KARS1: variants seen among roughly 807,000 people sequenced by gnomAD.
KARS1 encodes lysyl-tRNA synthetase 1, also known as lysine--tRNA ligase.
In KARS1, 50 loss-of-function variants were observed where a neutral mutation model predicts 63.9. The observed-to-expected ratio is 0.78, with a 90% CI of 0.62 to 0.99. The LOEUF is 0.99. KARS1 is among the 50% of genes least tolerant of loss of function. KARS1 has a pLI of 0.00. For missense variants in KARS1, 816 were observed against 754.5 expected (o/e 1.08, Z -0.95); for synonymous variants, 320 against 264.6 (o/e 1.21, Z -2.03).
chr16:75,642,856 T>C (rs1333711523), intron 1 of KARS1: 5 of 152,186 alleles, frequency 3.3e-5, no homozygotes, highest in Admixed American at 2.0e-4. Flanking sequence ...AAAATAATAA[T>C]AGACAACCCC....
chr16:75,643,325 C>T (rs1008172522), intron 1 of KARS1, among the ~76,000 whole-genome samples: 3 of 151,584 alleles, frequency 2.0e-5, no homozygotes, highest in Non-Finnish European at 2.9e-5. Context: ...CCTTCATTTT[C>T]GATATGAATT....
intron 11 of KARS1, 49 bp downstream of exon 11, chr16:75,630,374 C>G: frequency 8.8e-7 from 1 of 1,140,830 alleles, no homozygotes; most frequent in Non-Finnish European, 1.3e-6. Context: ...ATTGTTAACA[C>G]CACTAAGTTT....
intron 10 of KARS1, 78 bp downstream of exon 10, chr16:75,631,090 T>G (rs1243075262): frequency 9.1e-6 from 10 of 1,103,492 alleles, no homozygotes; most frequent in Non-Finnish European, 1.4e-5. Flanking sequence ...CTCTCCCCAG[T>G]GGGGTTCATT....
intron 1 of KARS1, among the ~76,000 whole-genome samples, chr16:75,646,212 A>T (rs1277691609): frequency 6.6e-6 from 1 of 152,218 alleles, no homozygotes; most frequent in Non-Finnish European, 1.5e-5. Context: ...ACTTTTTCTA[A>T]GATATTTGAA....
intron 3 of KARS1, 86 bp downstream of exon 3, chr16:75,640,098 G>T: frequency 8.5e-7 from 1 of 1,172,974 alleles, no homozygotes; most frequent in Non-Finnish European, 1.3e-6. Flanking sequence ...TTGAGAACAA[G>T]ACCAACCCAG....
intron 3 of KARS1, among the ~76,000 whole-genome samples, chr16:75,638,769 G>C (rs937918198): frequency 6.6e-6 from 1 of 152,108 alleles, no homozygotes; most frequent in Non-Finnish European, 1.5e-5. Context: ...AAAAGGATTT[G>C]AGATAAAGTG....
intron 1 of KARS1, among the ~76,000 whole-genome samples, chr16:75,643,122 C>T (rs926432312): frequency 6.6e-6 from 1 of 152,198 alleles, no homozygotes; most frequent in Non-Finnish European, 1.5e-5. Context: ...ATGTTCATGT[C>T]TCTTATAGTC....
intron 1 of KARS1, among the ~76,000 whole-genome samples, chr16:75,646,973 C>T (rs2082293135): frequency 1.3e-5 from 2 of 152,212 alleles, no homozygotes; most frequent in South Asian, 2.1e-4. Context: ...AACCTACATA[C>T]TCCAGGGATT....
chr16:75,646,341 G>A (rs576641515), intron 1 of KARS1, among the ~76,000 whole-genome samples: 14 of 152,066 alleles, frequency 9.2e-5, no homozygotes, highest in African/African-American at 3.4e-4. Context: ...ACGAGATTGA[G>A]ACCATCCTGC....
At chr16:75,645,242 A>C (rs1471852089) in intron 1 of KARS1, among the ~76,000 whole-genome samples, 16 of 152,384 alleles carry the variant, frequency 1.0e-4, no homozygotes, top group Admixed American at 9.8e-4. Context: ...CGAGAGGAAT[A>C]GACATCAATG....
Position 75,634,251 on chromosome 16 carries a change from C to G in KARS1, c.837G>C (p.Val279=), listed in dbSNP as rs962326605. ...TGTGATAAGTGATGAAAGGCTTGGC[C>G]ACGGCTCCCCCTGGGATGATGTTCA... The part of the protein sequence containing the change: ...PMMNIIPGGA[V]AKPFITYHNE... The change falls in exon 7 of 14, where the codon GTG becomes GTC. Residue 279 remains valine (V), a synonymous_variant. Transcript: ENST00000302445. 3 of 1,613,976 alleles carry G rather than the reference C, an allele frequency of 1.9e-6. No individual in the cohort carries two copies. The South Asian group carries it at 3.3e-5, about 18-fold the overall frequency.
intron 7 of KARS1, among the ~76,000 whole-genome samples, chr16:75,633,029 G>C (rs2151803298): frequency 6.6e-6 from 1 of 152,232 alleles, no homozygotes; most frequent in East Asian, 1.9e-4. Context: ...CTTGGGGGGA[G>C]GTTGACCAAA....
Position 75,627,781 on chromosome 16 carries a change from T to A in KARS1, c.*114A>T. 1 of 768,586 alleles carries A rather than the reference T, an allele frequency of 1.3e-6. No homozygotes were observed. The highest frequency in any genetic ancestry group is 1.4e-5 in the South Asian group (1 of 73,074). 47.6% of individuals were successfully genotyped at this position (768,586 alleles called of 1,614,324 possible). A position where few individuals can be genotyped will look rare whatever the true frequency, so the allele number is the denominator to read the frequency against. On this transcript the variant is annotated 3_prime_UTR_variant, in exon 14 of 14. Transcript: ENST00000302445. ...AATTCCTTGTCTCTCTTCTGATGGC[T>A]GAACAGAACTGCGGTGTCAAATGGA...
At chr16:75,630,217 G>C (rs181082151) in intron 11 of KARS1, among the ~76,000 whole-genome samples, 1 of 152,176 alleles carries the variant, frequency 6.6e-6, no homozygotes, top group African/African-American at 2.4e-5. Flanking sequence ...AGGCCCTGGA[G>C]GATAAGATCG....
intron 1 of KARS1, among the ~76,000 whole-genome samples, chr16:75,647,023 G>A (rs923233110): frequency 1.3e-5 from 2 of 152,160 alleles, no homozygotes; most frequent in African/African-American, 2.4e-5. Context: ...AATTAAGATG[G>A]TCTCTACTGT....
chr16:75,629,832 A>C (rs2151800903), intron 11 of KARS1, among the ~76,000 whole-genome samples: 1 of 152,310 alleles, frequency 6.6e-6, no homozygotes, highest in South Asian at 2.1e-4. Context: ...TCAAACATCT[A>C]ATACAATAAT....
At chr16:75,646,165 G>T (rs1240669409) in intron 1 of KARS1, among the ~76,000 whole-genome samples, 3 of 152,124 alleles carry the variant, frequency 2.0e-5, no homozygotes, top group African/African-American at 7.2e-5. Context: ...ATATATTAAG[G>T]TCCTACCCAA....
intron 12 of KARS1, chr16:75,628,946 A>G (rs533853984): frequency 1.6e-4 from 90 of 570,748 alleles, no homozygotes; most frequent in Non-Finnish European, 2.3e-4. Context: ...TTTCTCTGAA[A>G]GAAAACCCTT....
chr16:75,645,476 G>C (rs2082270289), intron 1 of KARS1, among the ~76,000 whole-genome samples: 2 of 152,222 alleles, frequency 1.3e-5, no homozygotes, highest in Non-Finnish European at 2.9e-5. Flanking sequence ...ACACTAGACA[G>C]AAAGCTTGTA....
Sources: gnomAD v4.1 joint callset for allele counts (sites outside exome capture counted in the v4.1 genomes callset) on GRCh38, gnomAD v4.1.1 for gene constraint, MANE v1.5 for transcripts, NCBI Gene and HGNC (gene_info 2026-07-23, HGNC 2026-07-21) for gene names.